HS3ST3A1: variants seen among roughly 807,000 people sequenced by gnomAD.
HS3ST3A1 encodes heparan sulfate-glucosamine 3-sulfotransferase 3A1, also known as heparan sulfate glucosamine 3-O-sulfotransferase 3A1.
In HS3ST3A1, 19 loss-of-function variants were observed where a neutral mutation model predicts 25.7. That is an observed-to-expected ratio of 0.74 (90% confidence interval 0.52 to 1.08). The LOEUF is 1.08. Ranked by LOEUF, HS3ST3A1 falls within the 50% of genes least tolerant of loss-of-function variation. HS3ST3A1 has a pLI of 0.00. For missense variants in HS3ST3A1, 459 were observed against 594.3 expected (o/e 0.77, Z 2.37); for synonymous variants, 226 against 278.6 (o/e 0.81, Z 1.88).
At position 13,547,584 on chromosome 17, in the gene HS3ST3A1, A is replaced by G. The variant is rs75649758; in HGVS notation, c.600-50766T>C. ...ACCCAGAGAGGACATGGGAAGATCCATGCCCTTCCTCCACACCTTGCCCTA... is the reference window on the plus strand; with the variant it reads ...ACCCAGAGAGGACATGGGAAGATCCGTGCCCTTCCTCCACACCTTGCCCTA... On this transcript the variant is annotated intron_variant, in intron 1 of 1. Coordinates refer to ENST00000284110, the MANE Select transcript of HS3ST3A1 (RefSeq NM_006042.3). Among the ~76,000 whole-genome samples, 45 of 152,320 alleles carry G rather than the reference A, an allele frequency of 3.0e-4. No individual in the cohort carries two copies. The East Asian group carries it at 8.3e-3, about 28-fold the overall frequency.
At chr17:13,508,954 A>G (rs1598408925) in intron 1 of HS3ST3A1, among the ~76,000 whole-genome samples, 1 of 148,468 alleles carries the variant, frequency 6.7e-6, no homozygotes, top group Non-Finnish European at 1.5e-5. Context: ...GAGGGTAAGC[A>G]TCTCTTTAAT....
At chr17:13,510,497 T>A (rs1353403257) in intron 1 of HS3ST3A1, among the ~76,000 whole-genome samples, 2 of 152,338 alleles carry the variant, frequency 1.3e-5, no homozygotes, top group East Asian at 3.9e-4. Context: ...GTTGGTTGTT[T>A]GTTCATTCGC....
At chr17:13,538,856 A>G (rs1420600554) in intron 1 of HS3ST3A1, among the ~76,000 whole-genome samples, 1 of 152,066 alleles carries the variant, frequency 6.6e-6, no homozygotes, top group African/African-American at 2.4e-5. Flanking sequence ...TTGGCCAACT[A>G]ACTGTCATGT....
chr17:13,588,910 G>T lies in HS3ST3A1; in HGVS notation c.599+11621C>A, dbSNP rs1281629420. Among the ~76,000 whole-genome samples, 5 of 152,024 alleles carry T rather than the reference G, an allele frequency of 3.3e-5. No individual in the cohort carries two copies. The South Asian group carries it at 8.3e-4, about 25-fold the overall frequency. ...CGTGTTAGCCAGGATGGTCTTGACC[G>T]TCTCGGCCTCCCAAAGTGCTGGGAT... On this transcript the variant is annotated intron_variant, in intron 1 of 1. Coordinates refer to ENST00000284110, the MANE Select transcript of HS3ST3A1 (RefSeq NM_006042.3).
At position 13,494,640 on chromosome 17, in the gene HS3ST3A1, T is replaced by G. The variant is rs1176033743; in HGVS notation, c.*1557A>C. On this transcript the variant is annotated 3_prime_UTR_variant, in exon 2 of 2. Transcript: ENST00000284110. ...GACATTTTTCCTCTTGGGTTTAAAT[T>G]TCTAATAAAATGTTGCTGACAGGCT... 6.6e-6 allele frequency among the ~76,000 whole-genome samples: 1 copy of G among 152,172 alleles called. No individual in the cohort carries two copies. Among genetic ancestry groups the G allele is most frequent in the Admixed American group, 6.5e-5 (1 of 15,276 alleles).
intron 1 of HS3ST3A1, among the ~76,000 whole-genome samples, chr17:13,556,628 C>T (rs545504957): frequency 3.3e-5 from 5 of 151,878 alleles, no homozygotes; most frequent in South Asian, 2.1e-4. Context: ...CCGAGTCAGG[C>T]GGATCACGAG....
At chr17:13,538,644 A>T (rs1401603164) in intron 1 of HS3ST3A1, among the ~76,000 whole-genome samples, 1 of 152,072 alleles carries the variant, frequency 6.6e-6, no homozygotes, top group Non-Finnish European at 1.5e-5. Context: ...CTCAGGCAAG[A>T]TCCCCCAACC....
chr17:13,554,047 T>C (rs1398489873), intron 1 of HS3ST3A1, among the ~76,000 whole-genome samples: 1 of 152,032 alleles, frequency 6.6e-6, no homozygotes, highest in African/African-American at 2.4e-5. Flanking sequence ...ACTGATATCA[T>C]CACCAGGAAG....
intron 1 of HS3ST3A1, among the ~76,000 whole-genome samples, chr17:13,563,152 A>G (rs1322382282): frequency 6.6e-6 from 1 of 151,724 alleles, no homozygotes; most frequent in Non-Finnish European, 1.5e-5. Context: ...TGCCTTCTCC[A>G]GGGATACCTA....
chr17:13,586,309 C>G (rs1908266607), intron 1 of HS3ST3A1, among the ~76,000 whole-genome samples: 1 of 152,044 alleles, frequency 6.6e-6, no homozygotes, highest in Admixed American at 6.6e-5. Context: ...TGCTCTAGTT[C>G]AAGCCTCTAT....
At chr17:13,566,196 G>A (rs1363304379) in intron 1 of HS3ST3A1, among the ~76,000 whole-genome samples, 2 of 152,050 alleles carry the variant, frequency 1.3e-5, no homozygotes, top group Non-Finnish European at 2.9e-5. Flanking sequence ...TCACATTTTG[G>A]TATTTTTCTC....
chr17:13,584,550 AGAAG>A (rs1187444584), intron 1 of HS3ST3A1, among the ~76,000 whole-genome samples: 5 of 150,762 alleles, frequency 3.3e-5, no homozygotes, highest in African/African-American at 9.8e-5. Context: ...AAGGAAGGAA[AGAAG>A]GAAGGAAGGA....
chr17:13,559,174 G>C (rs1907458195), intron 1 of HS3ST3A1, among the ~76,000 whole-genome samples: 1 of 152,152 alleles, frequency 6.6e-6, no homozygotes, highest in Non-Finnish European at 1.5e-5. Context: ...GCACATATGA[G>C]TATTCAACTA....
chr17:13,551,502 CCA>C (rs893440753), intron 1 of HS3ST3A1, among the ~76,000 whole-genome samples: 2 of 151,734 alleles, frequency 1.3e-5, no homozygotes, highest in African/African-American at 2.4e-5. Flanking sequence ...ACCACTGTGG[CCA>C]TATCACTGTC....
intron 1 of HS3ST3A1, among the ~76,000 whole-genome samples, chr17:13,512,317 A>AAAAAAAC (rs1170161836): frequency 6.0e-5 from 9 of 151,020 alleles, no homozygotes; most frequent in Non-Finnish European, 1.2e-4. Context: ...AAAAAAAAAA[A>AAAAAAAC]AAAAAAAAAA....
rs552470213 is a variant in HS3ST3A1, at chr17:13,544,642, G to A, written c.600-47824C>T. ...AGGTGAGCAATAAGGAGCAGATGGCGCCTCCACAAACCCAGAGCCTCTCCC... is the reference window on the plus strand; with the variant it reads ...AGGTGAGCAATAAGGAGCAGATGGCACCTCCACAAACCCAGAGCCTCTCCC... On this transcript the variant is annotated intron_variant, in intron 1 of 1. Coordinates refer to ENST00000284110, the MANE Select transcript of HS3ST3A1 (RefSeq NM_006042.3). Among the ~76,000 whole-genome samples, 5 of 152,200 alleles carry A rather than the reference G, an allele frequency of 3.3e-5. No individual in the cohort carries two copies. The East Asian group carries it at 9.7e-4, about 29-fold the overall frequency.
chr17:13,510,048 G>A (rs1905811070), intron 1 of HS3ST3A1, among the ~76,000 whole-genome samples: 1 of 152,204 alleles, frequency 6.6e-6, no homozygotes, highest in Admixed American at 6.5e-5. Context: ...ATTAAAGGGA[G>A]AACTGGCTTT....
chr17:13,560,289 C>CAAAAAAGAAA (rs1907498226), intron 1 of HS3ST3A1, among the ~76,000 whole-genome samples: 2 of 17,378 alleles, frequency 1.2e-4, no homozygotes, highest in Non-Finnish European at 2.3e-4. Flanking sequence ...CACTCGTCTC[C>CAAAAAAGAAA]AAAAAAAAAA....
intron 1 of HS3ST3A1, among the ~76,000 whole-genome samples, chr17:13,513,550 C>T (rs1354698302): frequency 6.6e-6 from 1 of 152,178 alleles, no homozygotes; most frequent in East Asian, 1.9e-4. Context: ...AGATCTCATT[C>T]TATGCAGAGC....
Sources: allele counts gnomAD v4.1 joint callset (sites outside exome capture counted in the v4.1 genomes callset), GRCh38; gene constraint gnomAD v4.1.1; transcripts MANE v1.5; gene names NCBI Gene and HGNC (gene_info 2026-07-23, HGNC 2026-07-21).